Variants in TRAK1 observed in about 807,000 individuals in gnomAD.
TRAK1 encodes the protein trafficking kinesin-binding protein 1.
TRAK1 carries 33 observed loss-of-function variants against 92.1 expected under a neutral mutation model. The observed-to-expected ratio is 0.36, with a 90% CI of 0.27 to 0.48. The LOEUF is 0.48. TRAK1 is among the 20% of genes least tolerant of loss of function. TRAK1 has a pLI of 0.99. For missense variants in TRAK1, 1,123 were observed against 1,257.9 expected, an observed-to-expected ratio of 0.89 and a Z score of 1.62; for synonymous variants, 521 against 517.3, an observed-to-expected ratio of 1.01 and a Z score of -0.10.
At chr3:42,114,336 T>G (rs1334712634) in intron 1 of TRAK1, among the ~76,000 whole-genome samples, 1 of 152,228 alleles carries the variant, frequency 6.6e-6, no homozygotes, top group Admixed American at 6.5e-5. Flanking sequence ...GTGGCAGGAA[T>G]TTGCTGAAGT....
intron 1 of TRAK1, among the ~76,000 whole-genome samples, chr3:42,076,528 A>AT (rs1322249556): frequency 3.9e-5 from 6 of 152,086 alleles, no homozygotes; most frequent in African/African-American, 1.4e-4. Flanking sequence ...GCCTGGCCAG[A>AT]TATTAGACTT....
chr3:42,210,262 T>A, intron 14 of TRAK1: 2 of 1,522,158 alleles, frequency 1.3e-6, no homozygotes, highest in South Asian at 2.7e-5. Context: ...GGGTGATGAT[T>A]AAAGCATTCT....
At chr3:42,043,444 C>G (rs1702628925) in intron 1 of TRAK1, among the ~76,000 whole-genome samples, 2 of 152,096 alleles carry the variant, frequency 1.3e-5, no homozygotes, top group South Asian at 4.2e-4. Context: ...CCTGCCCTCC[C>G]TCTCTCCTTT....
intron 3 of TRAK1, among the ~76,000 whole-genome samples, chr3:42,179,451 A>G (rs1384772320): frequency 1.3e-5 from 2 of 152,236 alleles, no homozygotes; most frequent in Non-Finnish European, 2.9e-5. Context: ...TAAGGGGAAG[A>G]GGATGCTGTG....
chr3:42,117,687 C>G (rs9877516), intron 1 of TRAK1, among the ~76,000 whole-genome samples: 21,986 of 152,102 alleles, frequency 0.14, 2,117 homozygotes, highest in African/African-American at 0.28. Context: ...GCCCAGAAAC[C>G]CTGTTGGAAT....
At chr3:42,145,473 A>G (rs71315525) in intron 2 of TRAK1, among the ~76,000 whole-genome samples, 21,921 of 149,452 alleles carry the variant, frequency 0.15, 1,871 homozygotes, top group Non-Finnish European at 0.2. Flanking sequence ...CAACAGAGTG[A>G]GACTCTGTCT....
At chr3:42,039,084 C>G (rs74532119) in intron 1 of TRAK1, among the ~76,000 whole-genome samples, 12 of 152,096 alleles carry the variant, frequency 7.9e-5, no homozygotes, top group African/African-American at 2.9e-4. Context: ...ATAGTCAATC[C>G]TCCCTCCCTC....
At chr3:42,044,485 T>G (rs1486849298) in intron 1 of TRAK1, among the ~76,000 whole-genome samples, 1 of 152,134 alleles carries the variant, frequency 6.6e-6, no homozygotes, top group East Asian at 1.9e-4. Flanking sequence ...TGAAGGCCAT[T>G]TGAATATTGG....
chr3:42,223,377 C>T lies in TRAK1; in HGVS notation c.2502C>T (p.Thr834=), dbSNP rs139506181. ...EKNVRSSESQ[T]DVSVSNLNLV... ...ACGTCCGCAGCAGCGAGAGCCAGAC[C>T]GACGTGTCCGTCTCCAACCTCAACC... Residue 834 remains threonine, a synonymous_variant, in exon 16 of 16, where the codon ACC becomes ACT. Transcript: ENST00000327628. The surrounding 1 kb of genome is among the most constrained non-coding windows in gnomAD (Gnocchi z 6.1). The T allele has an allele frequency of 5.3e-5, 85 of 1,614,208 alleles. No individual in the cohort carries two copies. In the African/African-American group the frequency reaches 5.3e-4, roughly 10 times the overall value.
At chr3:42,050,398 T>C (rs1418228767) in intron 1 of TRAK1, among the ~76,000 whole-genome samples, 1 of 152,138 alleles carries the variant, frequency 6.6e-6, no homozygotes, top group Non-Finnish European at 1.5e-5. Context: ...TGCTCATTTA[T>C]ATGAACCTTG....
At chr3:42,211,336 A>G in intron 14 of TRAK1, 7 of 985,208 alleles carry the variant, frequency 7.1e-6, no homozygotes, top group Non-Finnish European at 7.2e-6. Flanking sequence ...AAGTCATGTG[A>G]TTTGTTTAGC....
intron 1 of TRAK1, among the ~76,000 whole-genome samples, chr3:42,027,149 A>G (rs542589067): frequency 6.6e-6 from 1 of 152,310 alleles, no homozygotes; most frequent in African/African-American, 2.4e-5. Flanking sequence ...TTTTATTTCA[A>G]AAATAATGAG....
intron 2 of TRAK1, among the ~76,000 whole-genome samples, chr3:42,146,954 G>A (rs1014024854): frequency 6.6e-6 from 1 of 152,162 alleles, no homozygotes; most frequent in Non-Finnish European, 1.5e-5. Flanking sequence ...TTAGGAGTTT[G>A]TTGTTAACTA....
intron 1 of TRAK1, among the ~76,000 whole-genome samples, chr3:42,053,312 C>G (rs1336525992): frequency 6.6e-6 from 1 of 151,110 alleles, no homozygotes; most frequent in Non-Finnish European, 1.5e-5. Context: ...CCGCCTCCCC[C>G]TCCCTGCCTC....
At chr3:42,134,391 T>A (rs1211252759) in intron 2 of TRAK1, among the ~76,000 whole-genome samples, 1 of 150,068 alleles carries the variant, frequency 6.7e-6, no homozygotes, top group Non-Finnish European at 1.5e-5. Flanking sequence ...GATCCTTCTG[T>A]CTCAGCCTCC....
At chr3:42,122,620 T>C (rs1484368170) in intron 1 of TRAK1, among the ~76,000 whole-genome samples, 2 of 152,206 alleles carry the variant, frequency 1.3e-5, no homozygotes, top group Non-Finnish European at 2.9e-5. Flanking sequence ...GTGAGGTCTT[T>C]CCTAGAGATG....
intron 1 of TRAK1, among the ~76,000 whole-genome samples, chr3:42,118,187 A>C (rs1481997090): frequency 6.6e-6 from 1 of 151,284 alleles, no homozygotes; most frequent in Non-Finnish European, 1.5e-5. Context: ...GGGTTCAAGC[A>C]GTTCTTCCTG....
intron 1 of TRAK1, among the ~76,000 whole-genome samples, chr3:42,047,582 T>G (rs1331661141): frequency 6.6e-6 from 1 of 152,190 alleles, no homozygotes; most frequent in African/African-American, 2.4e-5. Flanking sequence ...TGTCCCACAC[T>G]TCTAGGTTTG....
At chr3:42,177,011 G>A in intron 3 of TRAK1, 121 bp downstream of exon 3, 1 of 879,808 alleles carries the variant, frequency 1.1e-6, no homozygotes, top group Non-Finnish European at 1.8e-6. Flanking sequence ...TCTCTTTCGA[G>A]GTATAATTTA....
Sources: gnomAD v4.1 joint callset for allele counts (sites outside exome capture counted in the v4.1 genomes callset) on GRCh38, gnomAD v4.1.1 for gene constraint, Gnocchi (gnomAD v3.1) non-coding constraint, MANE v1.5 for transcripts, NCBI Gene and HGNC (gene_info 2026-07-23, HGNC 2026-07-21) for gene names.